Variants in RFX4 observed in about 807,000 individuals in gnomAD.
The protein encoded by RFX4 is regulatory factor X4.
RFX4 carries 10 observed loss-of-function variants against 95.0 expected under a neutral mutation model. The observed-to-expected ratio is 0.11, with a 90% CI of 0.06 to 0.18. RFX4 has a LOEUF of 0.18. Among genes scored for constraint, RFX4 ranks in the 10% least tolerant of loss-of-function variants. The pLI, the probability that RFX4 is intolerant of heterozygous loss-of-function variation, is 1.00. For missense variants in RFX4, 640 were observed against 922.0 expected (o/e 0.69, Z 3.96); for synonymous variants, 321 against 340.7 (o/e 0.94, Z 0.64).
At chr12:106,680,675 G>T (rs1208526551) in intron 4 of RFX4, 1 of 152,230 alleles carries the variant, frequency 6.6e-6, no homozygotes, top group East Asian at 1.9e-4. Context: ...ATGTATGCCT[G>T]CTCAGTGCTG....
At chr12:106,626,164 G>A (rs931533020) in intron 2 of RFX4, among the ~76,000 whole-genome samples, 3 of 152,214 alleles carry the variant, frequency 2.0e-5, no homozygotes, top group African/African-American at 4.8e-5. Flanking sequence ...CTGGAAGCTT[G>A]TTAGGAATGC....
intron 4 of RFX4, among the ~76,000 whole-genome samples, chr12:106,657,238 C>A (rs1018710951): frequency 6.6e-6 from 1 of 152,218 alleles, no homozygotes; most frequent in Non-Finnish European, 1.5e-5. Flanking sequence ...CATTGATGAA[C>A]TTTTAACTTA....
intron 15 of RFX4, among the ~76,000 whole-genome samples, chr12:106,741,869 G>A (rs12312782): frequency 0.37 from 56,642 of 151,978 alleles, 10,664 homozygotes; most frequent in African/African-American, 0.41. Flanking sequence ...ACTCTCATAA[G>A]GAGTGTGCAA....
rs146987306 is a variant in RFX4, at chr12:106,706,622, G to A, written c.834-2708G>A. Among the ~76,000 whole-genome samples, 371 of 152,320 alleles carry A rather than the reference G, an allele frequency of 2.4e-3. 1 individual carries two copies. Among genetic ancestry groups the A allele is most frequent in the African/African-American group, 8.1e-3 (337 of 41,576 alleles). ...GTCTTTAGAAGCAGACAGGATAGAT[G>A]AATAGATTACATGACACTACAAGAC... On this transcript the variant is annotated intron_variant, in intron 8 of 17. Transcript: ENST00000392842.
rs148175012 is a variant in RFX4 at position 106,654,273 on chromosome 12, C to T, written c.237C>T (p.Arg79=). The change falls in exon 4 of 18, where the codon CGC becomes CGT. Residue 79 remains arginine, a synonymous_variant. Coordinates refer to ENST00000392842, the MANE Select transcript of RFX4 (RefSeq NM_213594.3). ...TTGCAGAGGGGGTCTGCATCCCTCGCAGTGCCCTCTATATGCATTACCTGG... is the reference window on the plus strand; with the variant it reads ...TTGCAGAGGGGGTCTGCATCCCTCGTAGTGCCCTCTATATGCATTACCTGG... ...YEIAEGVCIP[R]SALYMHYLDF... is the part of the protein sequence containing the mutation. 1.9e-6 allele frequency: 3 copies of T among 1,613,910 alleles called. No individual in the cohort carries two copies. The African/African-American group carries it at 4.0e-5, about 22-fold the overall frequency.
chr12:106,617,128 T>C lies in RFX4; in HGVS notation c.130+8245T>C, dbSNP rs552616493. 1.5e-3 allele frequency among the ~76,000 whole-genome samples: 224 copies of C among 152,310 alleles called. 1 individual carries two copies. Among genetic ancestry groups the C allele is most frequent in the Non-Finnish European group, 2.4e-3 (164 of 68,028 alleles). Reference sequence around the variant, plus strand: ...TTTCATTTTTGATATTGGCAATTTATGTTTTCTCTGTTTTTCTTCATCAGT... The same window carrying C: ...TTTCATTTTTGATATTGGCAATTTACGTTTTCTCTGTTTTTCTTCATCAGT... On this transcript the variant is annotated intron_variant, in intron 2 of 17. Transcript: ENST00000392842.
At position 106,761,259 on chromosome 12, in the gene RFX4, G is replaced by A. The variant is rs1194265526; in HGVS notation, c.1998G>A (p.Leu666=). 1 of 1,614,088 alleles carries A rather than the reference G, an allele frequency of 6.2e-7. No individual in the cohort carries two copies. Among genetic ancestry groups the A allele is most frequent in the Admixed American group, 1.7e-5 (1 of 60,004 alleles). ...EPCLMSSTPR[L]HPTPVTPRWP... ...GTTTGATGAGCAGTACTCCCAGACT[G>A]CATCCTACCCCAGTCACTCCCCGCT... The change falls in exon 18 of 18, where the codon CTG becomes CTA. Residue 666 remains leucine (L), a synonymous_variant. Coordinates refer to ENST00000392842, the MANE Select transcript of RFX4 (RefSeq NM_213594.3).
intron 15 of RFX4, among the ~76,000 whole-genome samples, chr12:106,737,305 A>G (rs1378027601): frequency 6.8e-6 from 1 of 146,792 alleles, no homozygotes; most frequent in Non-Finnish European, 1.5e-5. Context: ...GGTGGCTTCT[A>G]TGTGCTAAAC....
At chr12:106,622,840 C>T (rs1198334579) in intron 2 of RFX4, among the ~76,000 whole-genome samples, 1 of 470 alleles carries the variant, frequency 2.1e-3, no homozygotes, top group African/African-American at 0.011. Flanking sequence ...AGGATGGTCT[C>T]GATCTCTTGA....
chr12:106,655,192 G>C (rs1380978278), intron 4 of RFX4, among the ~76,000 whole-genome samples: 7 of 152,192 alleles, frequency 4.6e-5, no homozygotes, highest in African/African-American at 1.7e-4. Context: ...AAGACAAAGA[G>C]CCGTGTTAGG....
chr12:106,741,285 A>T (rs1230281949), intron 15 of RFX4, among the ~76,000 whole-genome samples: 1 of 152,178 alleles, frequency 6.6e-6, no homozygotes, highest in African/African-American at 2.4e-5. Flanking sequence ...CTGTCTCAAA[A>T]AACAAAAAAA....
At chr12:106,689,099 G>A (rs1479231719) in intron 6 of RFX4, among the ~76,000 whole-genome samples, 188 bp from the exon 7 acceptor site, 1 of 152,118 alleles carries the variant, frequency 6.6e-6, no homozygotes. Flanking sequence ...CACAGAGGAG[G>A]GAGCCAAGGG....
chr12:106,696,246 G>T lies in RFX4; in HGVS notation c.670-37G>T, dbSNP rs542115848. 48 of 1,611,460 alleles carry T rather than the reference G, an allele frequency of 3.0e-5. No homozygotes were observed. In the East Asian group the frequency reaches 8.5e-4, roughly 28 times the overall value. Reference sequence around the variant, plus strand: ...CAAGCTTCTGTTGGGAGGGCCCTGGGTAACCTCATGATTCTTCTCTCTGTG... The same window carrying T: ...CAAGCTTCTGTTGGGAGGGCCCTGGTTAACCTCATGATTCTTCTCTCTGTG... On this transcript the variant is annotated intron_variant, in intron 7 of 17. Coordinates refer to ENST00000392842, the MANE Select transcript of RFX4 (RefSeq NM_213594.3).
chr12:106,654,182 G>A, intron 3 of RFX4, 46 bp from the exon 4 acceptor site: 1 of 1,612,750 alleles, frequency 6.2e-7, no homozygotes, highest in African/African-American at 1.3e-5. Context: ...GTTCTTGCTT[G>A]GGGAAGGTAA....
intron 16 of RFX4, among the ~76,000 whole-genome samples, chr12:106,748,163 C>T (rs2042929856): frequency 6.6e-6 from 1 of 152,164 alleles, no homozygotes; most frequent in South Asian, 2.1e-4. Flanking sequence ...CCCAAGGTCA[C>T]ACAGCTGGCA....
At chr12:106,642,378 G>A (rs781293296) in intron 3 of RFX4, among the ~76,000 whole-genome samples, 1 of 151,744 alleles carries the variant, frequency 6.6e-6, no homozygotes, top group Non-Finnish European at 1.5e-5. Flanking sequence ...CACTTTGAGA[G>A]GCTGAAGTGG....
At chr12:106,594,308 C>T (rs1271684035) in intron 1 of RFX4, among the ~76,000 whole-genome samples, 6 of 152,122 alleles carry the variant, frequency 3.9e-5, no homozygotes, top group African/African-American at 1.4e-4. Context: ...ATTTCTAAAG[C>T]GTCGAGCGGT....
chr12:106,715,344 C>G, intron 10 of RFX4, 56 bp from the exon 11 acceptor site: 1 of 1,570,216 alleles, frequency 6.4e-7, no homozygotes, highest in Non-Finnish European at 8.7e-7. Flanking sequence ...AAAGGAAATA[C>G]AGTGAAAGGG....
At chr12:106,631,429 T>A (rs930698571) in intron 2 of RFX4, among the ~76,000 whole-genome samples, 3 of 152,246 alleles carry the variant, frequency 2.0e-5, no homozygotes, top group Non-Finnish European at 4.4e-5. Context: ...GCAGACTGAA[T>A]GTCTGTATCC....
Sources: allele counts gnomAD v4.1 joint callset (sites outside exome capture counted in the v4.1 genomes callset), GRCh38; gene constraint gnomAD v4.1.1; transcripts MANE v1.5; gene names NCBI Gene and HGNC (gene_info 2026-07-23, HGNC 2026-07-21).